The following ZNF717 variants were observed in gnomAD, a reference collection of about 807,000 sequenced individuals.
ZNF717 encodes zinc finger protein 717.
Under a neutral mutation model 13.8 loss-of-function variants are expected in ZNF717, and 9 were observed. That is an observed-to-expected ratio of 0.65 (90% confidence interval 0.39 to 1.14). The LOEUF (loss-of-function observed/expected upper bound fraction) is 1.14. Ranked by LOEUF, ZNF717 falls within the 50% of genes most tolerant of loss-of-function variation. The pLI, the probability that ZNF717 is intolerant of heterozygous loss-of-function variation, is 0.01. For missense variants in ZNF717, 1,040 were observed against 1,080.7 expected, an observed-to-expected ratio of 0.96 and a Z score of 0.53; for synonymous variants, 327 against 364.1, an observed-to-expected ratio of 0.90 and a Z score of 1.16.
intron 2 of ZNF717, among the ~76,000 whole-genome samples, chr3:75,751,842 T>C (rs1941854105): frequency 2.0e-5 from 3 of 151,890 alleles, no homozygotes; most frequent in African/African-American, 4.8e-5. Context: ...TCTGAGTGTT[T>C]CTCCCTCACG....
intron 2 of ZNF717, among the ~76,000 whole-genome samples, chr3:75,762,513 G>A (rs1337916894): frequency 3.3e-5 from 5 of 151,682 alleles, no homozygotes; most frequent in Non-Finnish European, 7.4e-5. Flanking sequence ...AACCAAGAGG[G>A]CAAAAGATTT....
intron 4 of ZNF717, 101 bp from the exon 5 acceptor site, chr3:75,739,446 G>A: frequency 1.3e-6 from 1 of 771,284 alleles, no homozygotes; most frequent in Non-Finnish European, 1.9e-6. Context: ...AGTGGAGTAA[G>A]ATTTGACAAA....
At chr3:75,713,329 T>G (rs1937983250) in intron 5 of ZNF717, among the ~76,000 whole-genome samples, 8 of 151,796 alleles carry the variant, frequency 5.3e-5, no homozygotes, top group Admixed American at 5.2e-4. Flanking sequence ...TTCTGTATTT[T>G]TTGTAGAGAT....
downstream of ZNF717, among the ~76,000 whole-genome samples, chr3:75,726,987 C>A (rs1389566740): frequency 3.9e-5 from 6 of 152,292 alleles, no homozygotes; most frequent in African/African-American, 9.6e-5. Context: ...AGATTATAAA[C>A]ACATGTAGAA....
chr3:75,720,379 G>C (rs1304287958), intron 4 of ZNF717, among the ~76,000 whole-genome samples: 1 of 152,076 alleles, frequency 6.6e-6, no homozygotes, highest in African/African-American at 2.4e-5. Context: ...GCAACTTAAT[G>C]CAGAAACAGA....
At chr3:75,694,887 G>A (rs66644683) in intron 6 of ZNF717, among the ~76,000 whole-genome samples, 4 of 141,918 alleles carry the variant, frequency 2.8e-5, no homozygotes, top group African/African-American at 1.0e-4. Context: ...TAATACAAGA[G>A]AAATCACCTT....
chr3:75,735,195 C>T (rs374351978), downstream of ZNF717, among the ~76,000 whole-genome samples: 1 of 152,038 alleles, frequency 6.6e-6, no homozygotes, highest in South Asian at 2.1e-4. Context: ...AACAATAACA[C>T]AAGACATAGG....
At position 75,736,046 on chromosome 3, in the gene ZNF717, C is replaced by T. The variant is rs1449824594; in HGVS notation, c.*832G>A. ...AATCTTTCAAAGATTTTAGTTATCA[C>T]ATCTGTTATGATCTGTGATCAGTGA... On this transcript the variant is annotated 3_prime_UTR_variant, in exon 5 of 5. Coordinates refer to ENST00000652011, the MANE Select transcript of ZNF717 (RefSeq NM_001290208.3). 3.9e-5 allele frequency: 6 copies of T among 152,210 alleles called. No individual in the cohort carries two copies. Among genetic ancestry groups the T allele is most frequent in the East Asian group, 1.9e-4 (1 of 5,200 alleles). 9.4% of individuals were successfully genotyped at this position (152,210 alleles called of 1,614,324 possible). A position where few individuals can be genotyped will look rare whatever the true frequency, so the allele number is the denominator to read the frequency against.
intron 4 of ZNF717, among the ~76,000 whole-genome samples, chr3:75,718,358 G>A (rs1441263774): frequency 3.0e-4 from 45 of 152,082 alleles, no homozygotes; most frequent in Admixed American, 8.5e-4. Context: ...TTATTATACC[G>A]TTACGGTCAG....
rs1337230750 is a variant in ZNF717 at position 75,737,502 on chromosome 3, A to C, written c.2121T>G (p.Asn707Lys). The change falls in exon 5 of 5, where the codon AAT becomes AAG. Residue 707 changes from asparagine (N) to lysine (K), a missense_variant. Around this residue, in one of 3 missense-constraint regions of ZNF717, gnomAD observed 873 missense variants for 832.8 expected, o/e 1.05. Transcript: ENST00000652011. ...TPGKSPMNVM[N>K]VENPFIRRQI... is the part of the protein sequence containing the mutation. ...GCCTTCTGATGAAAGGATTTTCCAC[A>C]TTCATTACATTCATAGGGCTTTTCC... 4 of 1,554,220 alleles carry C rather than the reference A, an allele frequency of 2.6e-6. No homozygotes were observed. The highest frequency in any genetic ancestry group is 1.7e-4 in the Middle Eastern group (1 of 5,996).
chr3:75,740,597 T>G (rs1963440), intron 4 of ZNF717, among the ~76,000 whole-genome samples: 122,995 of 145,118 alleles, frequency 0.85, 51,358 homozygotes, highest in East Asian at 0.9. Context: ...TTGTAGGTGG[T>G]TGTCTACGAG....
At chr3:75,760,991 A>G (rs1942957751) in intron 2 of ZNF717, among the ~76,000 whole-genome samples, 1 of 152,174 alleles carries the variant, frequency 6.6e-6, no homozygotes, top group South Asian at 2.1e-4. Context: ...GAAAAAGATT[A>G]CAAGAGACTA....
intron 2 of ZNF717, among the ~76,000 whole-genome samples, chr3:75,747,715 C>T (rs1941312821): frequency 6.6e-6 from 1 of 152,070 alleles, no homozygotes. Context: ...GATTTTGTAT[C>T]CTGAGACTTC....
At chr3:75,724,395 T>C (rs1249220065) in intron 4 of ZNF717, among the ~76,000 whole-genome samples, 1 of 151,922 alleles carries the variant, frequency 6.6e-6, no homozygotes, top group African/African-American at 2.4e-5. Context: ...ACTACAGGCT[T>C]ACATCATCAC....
intron 1 of ZNF717, among the ~76,000 whole-genome samples, chr3:75,783,812 G>GTTGTTTCCATGC (rs1175556375): frequency 6.6e-6 from 1 of 152,094 alleles, no homozygotes; most frequent in East Asian, 1.9e-4. Flanking sequence ...TTCTATACCT[G>GTTGTTTCCATGC]AACATCATGG....
In ZNF717 at chr3:75,737,089, T is replaced by C. The variant is rs1444740795; in HGVS notation, c.2534A>G (p.Asn845Ser). The change falls in exon 5 of 5, where the codon AAT (asparagine) becomes AGT (serine). Residue 845 changes from asparagine to serine, a missense_variant. By Grantham distance (46) the Asn-to-Ser change is conservative. This residue lies in a region of ZNF717 where 873 missense variants were observed against 832.8 expected (regional missense o/e 1.05). Coordinates refer to ENST00000652011, the MANE Select transcript of ZNF717 (RefSeq NM_001290208.3). ...CTGGGAGAAAGTTTTCCTACATTCATTACATCTAAAGGGTTTTTCCCCTGT... is the reference window on the plus strand; with the variant it reads ...CTGGGAGAAAGTTTTCCTACATTCACTACATCTAAAGGGTTTTTCCCCTGT... ...THTGEKPFRCNECRKTFSQKS... is the reference protein window; with the variant it reads ...THTGEKPFRCSECRKTFSQKS... 8 of 1,587,650 alleles carry C rather than the reference T, an allele frequency of 5.0e-6. No homozygotes were observed. The highest frequency in any genetic ancestry group is 1.3e-5 in the African/African-American group (1 of 74,190).
intron 4 of ZNF717, among the ~76,000 whole-genome samples, chr3:75,718,488 T>C (rs1271793218): frequency 6.6e-6 from 1 of 152,168 alleles, no homozygotes; most frequent in Non-Finnish European, 1.5e-5. Flanking sequence ...TCCCACAGCC[T>C]GTCCACACCT....
At position 75,723,248 on chromosome 3, in the gene ZNF717, C is replaced by CTTTTTTTTT. The variant is rs112455865; in HGVS notation, n.545-6716_545-6708dup. ...GTTATTTTTCTTTAAGACAATCTCA[C>CTTTTTTTTT]TTTTTTTTTTTTTTTTTTTCAGACA... On this transcript the variant is annotated intron_variant and non_coding_transcript_variant, in intron 4 of 5. Transcript: ENST00000491507. Among the ~76,000 whole-genome samples the CTTTTTTTTT allele has an allele frequency of 1.4e-3, 126 of 88,648 alleles. 11 individuals are homozygous for CTTTTTTTTT. The highest frequency in any genetic ancestry group is 2.9e-3 in the African/African-American group (66 of 22,674). 58.2% of individuals were successfully genotyped at this position (88,648 alleles called of 152,430 possible).
intron 2 of ZNF717, among the ~76,000 whole-genome samples, chr3:75,779,194 A>G (rs780342826): frequency 3.3e-5 from 5 of 151,888 alleles, no homozygotes; most frequent in Non-Finnish European, 7.4e-5. Context: ...TGATGTGCTA[A>G]AACTGGAACC....
Sources: gnomAD v4.1 joint callset for allele counts (sites outside exome capture counted in the v4.1 genomes callset) on GRCh38, gnomAD v4.1.1 for gene constraint, gnomAD v4.1.1 regional missense constraint, MANE v1.5 for transcripts, NCBI Gene and HGNC (gene_info 2026-07-23, HGNC 2026-07-21) for gene names.